Variants in PCCA observed in about 807,000 individuals in gnomAD.
The protein encoded by PCCA is propionyl-CoA carboxylase alpha chain, mitochondrial.
Under a neutral mutation model 101.3 loss-of-function variants are expected in PCCA, and 74 were observed. The observed-to-expected ratio is 0.73, with a 90% CI of 0.61 to 0.89. The LOEUF is 0.89. Among genes scored for constraint, PCCA ranks in the 40% least tolerant of loss-of-function variants. PCCA has a pLI of 0.00. For missense variants in PCCA, 891 were observed against 907.0 expected, an observed-to-expected ratio of 0.98 and a Z score of 0.23; for synonymous variants, 294 against 313.6, an observed-to-expected ratio of 0.94 and a Z score of 0.66.
chr13:100,120,630 C>T (rs2152300524), intron 4 of PCCA, among the ~76,000 whole-genome samples: 1 of 152,112 alleles, frequency 6.6e-6, no homozygotes, highest in East Asian at 1.9e-4. Flanking sequence ...TGCCTGAATC[C>T]AGGGGATGAG....
intron 4 of PCCA, chr13:100,149,495 A>G (rs1460597327): frequency 6.6e-6 from 1 of 152,118 alleles, no homozygotes; most frequent in Middle Eastern, 3.2e-3. Context: ...GGCAACCACT[A>G]TTCTACTTTC....
At chr13:100,337,227 C>G (rs2070623103) in intron 17 of PCCA, among the ~76,000 whole-genome samples, 1 of 152,198 alleles carries the variant, frequency 6.6e-6, no homozygotes, top group Non-Finnish European at 1.5e-5. Context: ...GCATTCCCAG[C>G]TCCCCTCATG....
At chr13:100,389,258 G>A (rs1447686190) in intron 19 of PCCA, among the ~76,000 whole-genome samples, 2 of 152,184 alleles carry the variant, frequency 1.3e-5, no homozygotes, top group African/African-American at 4.8e-5. Flanking sequence ...AGGTTTGGGG[G>A]AGGGTAGGGG....
chr13:100,501,373 G>A (rs1004337304), intron 21 of PCCA, among the ~76,000 whole-genome samples: 20 of 152,136 alleles, frequency 1.3e-4, no homozygotes, highest in African/African-American at 4.1e-4. Flanking sequence ...CTCCCACCCC[G>A]TCACCCTTCT....
At chr13:100,251,219 C>G (rs555965342) in intron 8 of PCCA, among the ~76,000 whole-genome samples, 1 of 152,262 alleles carries the variant, frequency 6.6e-6, no homozygotes, top group African/African-American at 2.4e-5. Context: ...TTCATACTAT[C>G]CAGCAGTTGT....
Position 100,209,404 on chromosome 13 carries a change from A to G in PCCA, c.541A>G (p.Lys181Glu). The change falls in exon 7 of 24, where the codon AAA becomes GAA. Residue 181 changes from lysine to glutamate, a missense_variant. Lys to Glu is a moderately conservative substitution (Grantham distance 56, BLOSUM62 1). Coordinates refer to ENST00000376285, the MANE Select transcript of PCCA (RefSeq NM_000282.4). The part of the protein sequence containing the change: ...IQAMGDKIES[K>E]LLAKKAEVNT... ...AGCCATGGGCGACAAGATTGAAAGC[A>G]AATTATTAGCTAAGAAAGCAGAGGT... 1 of 1,613,416 alleles carries G rather than the reference A, an allele frequency of 6.2e-7. No homozygotes were observed. Among genetic ancestry groups the G allele is most frequent in the Non-Finnish European group, 8.5e-7 (1 of 1,179,328 alleles).
At chr13:100,298,086 TG>T (rs2065698736) in intron 12 of PCCA, among the ~76,000 whole-genome samples, 1 of 152,066 alleles carries the variant, frequency 6.6e-6, no homozygotes, top group African/African-American at 2.4e-5. Flanking sequence ...GGTGGATCCC[TG>T]ATTTGTGTGC....
intron 12 of PCCA, among the ~76,000 whole-genome samples, chr13:100,287,411 G>T (rs1236685698): frequency 6.6e-6 from 1 of 151,934 alleles, no homozygotes; most frequent in Non-Finnish European, 1.5e-5. Context: ...ACTTTCCACA[G>T]ATATATTAAT....
At chr13:100,442,185 G>A (rs1386478563) in intron 20 of PCCA, among the ~76,000 whole-genome samples, 1 of 151,830 alleles carries the variant, frequency 6.6e-6, no homozygotes, top group African/African-American at 2.4e-5. Flanking sequence ...GTAGAGGCAG[G>A]ATTTCACCAT....
chr13:100,173,682 A>G (rs1245193461), intron 6 of PCCA, among the ~76,000 whole-genome samples: 1 of 152,158 alleles, frequency 6.6e-6, no homozygotes, highest in Non-Finnish European at 1.5e-5. Context: ...GGTTTCTAGT[A>G]AACTTAAATG....
chr13:100,478,295 G>A (rs550487782), intron 21 of PCCA, among the ~76,000 whole-genome samples: 22 of 152,336 alleles, frequency 1.4e-4, no homozygotes, highest in Admixed American at 1.3e-3. Flanking sequence ...CAGTGGGTCA[G>A]ACCAGAGCCC....
intron 21 of PCCA, among the ~76,000 whole-genome samples, chr13:100,477,877 T>C (rs2083537732): frequency 6.6e-6 from 1 of 152,208 alleles, no homozygotes. Context: ...CTGGATTGAA[T>C]GCAGCCCTTC....
In PCCA at chr13:100,098,477, T is replaced by C. The variant is rs140957034; in HGVS notation, c.106-4406T>C. On this transcript the variant is annotated intron_variant, in intron 1 of 23. Coordinates refer to ENST00000376285, the MANE Select transcript of PCCA (RefSeq NM_000282.4). ...CCTTGAGGTGCTGGGACTGGCCTTT[T>C]GAATGCAGTGTTAGTCAGCCCTTGG... is the stretch of plus-strand genomic sequence containing the variant. 2.1e-3 allele frequency among the ~76,000 whole-genome samples: 323 copies of C among 152,262 alleles called. 2 individuals carry two copies. Among genetic ancestry groups the C allele is most frequent in the African/African-American group, 7.6e-3 (316 of 41,554 alleles).
intron 4 of PCCA, among the ~76,000 whole-genome samples, chr13:100,135,592 A>T (rs2051063162): frequency 6.6e-6 from 1 of 152,118 alleles, no homozygotes. Flanking sequence ...GTAGATAATC[A>T]TGTTGTCTGT....
chr13:100,433,293 C>G (rs1478721051), intron 20 of PCCA, among the ~76,000 whole-genome samples: 3 of 152,132 alleles, frequency 2.0e-5, no homozygotes, highest in Admixed American at 6.5e-5. Flanking sequence ...TTGTTATTTT[C>G]TGTTTTGTTT....
intron 20 of PCCA, among the ~76,000 whole-genome samples, chr13:100,427,298 C>T (rs534195026): frequency 1.1e-4 from 16 of 152,270 alleles, no homozygotes; most frequent in East Asian, 1.9e-4. Context: ...TACAGTGCAT[C>T]GAATATGTTA....
intron 19 of PCCA, among the ~76,000 whole-genome samples, chr13:100,411,129 T>G (rs1362191266): frequency 2.0e-5 from 3 of 152,112 alleles, no homozygotes; most frequent in African/African-American, 7.2e-5. Flanking sequence ...CAGATTTAGA[T>G]GTATTTGCTT....
chr13:100,149,269 C>T (rs2052996915), intron 4 of PCCA: 1 of 150,188 alleles, frequency 6.7e-6, no homozygotes, highest in Non-Finnish European at 1.5e-5. Flanking sequence ...TTTGAGACTC[C>T]CAACAAGTTT....
chr13:100,390,672 A>C (rs1482175672), intron 19 of PCCA, among the ~76,000 whole-genome samples: 1 of 152,222 alleles, frequency 6.6e-6, no homozygotes, highest in African/African-American at 2.4e-5. Flanking sequence ...CTGTTTTAAG[A>C]AGATGAGGTC....
Sources: allele counts gnomAD v4.1 joint callset (sites outside exome capture counted in the v4.1 genomes callset), GRCh38; gene constraint gnomAD v4.1.1; transcripts MANE v1.5; gene names NCBI Gene and HGNC (gene_info 2026-07-23, HGNC 2026-07-21).